The following CNTN6 variants were observed in gnomAD, a reference collection of about 807,000 sequenced individuals.
The protein encoded by CNTN6 is contactin 6.
CNTN6 carries 137 observed loss-of-function variants against 122.8 expected under a neutral mutation model. The observed-to-expected ratio is 1.12, with a 90% CI of 0.97 to 1.29. CNTN6 has a LOEUF of 1.29. Among genes scored for constraint, CNTN6 ranks in the 50% most tolerant of loss-of-function variants. The probability of loss-of-function intolerance (pLI) is 0.00; values close to 1 mark genes in which losing one functional copy is unlikely to be tolerated. For missense variants in CNTN6, 1,634 were observed against 1,223.4 expected (o/e 1.34, Z -5.01); for synonymous variants, 570 against 426.0 (o/e 1.34, Z -4.16).
At chr3:1,254,576 A>C (rs2094722573) in intron 4 of CNTN6, among the ~76,000 whole-genome samples, 1 of 152,178 alleles carries the variant, frequency 6.6e-6, no homozygotes, top group Non-Finnish European at 1.5e-5. Context: ...TGGAAGTTAC[A>C]GTGCTGATAA....
At chr3:1,211,549 C>T (rs544665345) in intron 2 of CNTN6, among the ~76,000 whole-genome samples, 2 of 152,192 alleles carry the variant, frequency 1.3e-5, no homozygotes, top group South Asian at 4.2e-4. Flanking sequence ...AACCTAGAGG[C>T]AGATCTCACT....
chr3:1,134,316 G>T (rs941637110), intron 1 of CNTN6, among the ~76,000 whole-genome samples: 8 of 152,138 alleles, frequency 5.3e-5, no homozygotes, highest in Non-Finnish European at 1.0e-4. Context: ...AACTAATGTT[G>T]CTGGTGATAG....
intron 7 of CNTN6, among the ~76,000 whole-genome samples, chr3:1,298,619 A>C (rs962999739): frequency 6.6e-6 from 1 of 152,108 alleles, no homozygotes; most frequent in African/African-American, 2.4e-5. Context: ...TGCTTTTTGG[A>C]GGTATACAAA....
chr3:1,311,064 G>A (rs552483037), intron 7 of CNTN6, among the ~76,000 whole-genome samples: 1 of 151,706 alleles, frequency 6.6e-6, no homozygotes, highest in South Asian at 2.1e-4. Flanking sequence ...AGGAGATTAG[G>A]AAGAGTTACT....
chr3:1,191,700 T>TG (rs1302835064), intron 2 of CNTN6, among the ~76,000 whole-genome samples: 1 of 152,152 alleles, frequency 6.6e-6, no homozygotes, highest in East Asian at 1.9e-4. Context: ...ACCCAATACT[T>TG]GCAACTGGCA....
intron 2 of CNTN6, among the ~76,000 whole-genome samples, chr3:1,192,396 C>T (rs925703217): frequency 5.9e-5 from 9 of 152,086 alleles, no homozygotes; most frequent in African/African-American, 1.9e-4. Flanking sequence ...ATCTTCTGGC[C>T]AGGAAGCTAT....
chr3:1,293,717 G>C (rs1406672501), intron 5 of CNTN6, among the ~76,000 whole-genome samples: 1 of 151,970 alleles, frequency 6.6e-6, no homozygotes, highest in East Asian at 1.9e-4. Context: ...GACTTTTTTT[G>C]AGTTAGTTGC....
At chr3:1,283,735 C>A (rs1280929042) in intron 5 of CNTN6, among the ~76,000 whole-genome samples, 1 of 152,192 alleles carries the variant, frequency 6.6e-6, no homozygotes, top group Non-Finnish European at 1.5e-5. Context: ...CTCAGTGGCT[C>A]ACACCTGTAA....
At chr3:1,373,889 C>G in intron 15 of CNTN6, 35 bp from the exon 16 acceptor site, 2 of 1,580,804 alleles carry the variant, frequency 1.3e-6, no homozygotes, top group Non-Finnish European at 8.6e-7. Context: ...TTGAGTAGTC[C>G]CAACCTAGGT....
chr3:1,112,477 G>A (rs972001431), intron 1 of CNTN6, among the ~76,000 whole-genome samples: 1 of 152,118 alleles, frequency 6.6e-6, no homozygotes, highest in African/African-American at 2.4e-5. Context: ...GAGTGCTTCT[G>A]TGTAACTCCA....
At chr3:1,241,240 C>T (rs1180139321) in intron 4 of CNTN6, among the ~76,000 whole-genome samples, 1 of 152,000 alleles carries the variant, frequency 6.6e-6, no homozygotes, top group Non-Finnish European at 1.5e-5. Context: ...GCCTGACATT[C>T]CTGCCTTCTT....
chr3:1,279,907 A>C (rs1693069988), intron 5 of CNTN6, among the ~76,000 whole-genome samples: 1 of 152,212 alleles, frequency 6.6e-6, no homozygotes, highest in Non-Finnish European at 1.5e-5. Flanking sequence ...TATTCACCTG[A>C]TATGATAGGG....
chr3:1,358,129 A>G (rs767487503), intron 12 of CNTN6, among the ~76,000 whole-genome samples: 1 of 151,890 alleles, frequency 6.6e-6, no homozygotes, highest in African/African-American at 2.4e-5. Context: ...GGTGTCATTC[A>G]TACAGTATAA....
intron 4 of CNTN6, 34 bp from the exon 5 acceptor site, chr3:1,278,379 C>T: frequency 7.4e-7 from 1 of 1,347,188 alleles, no homozygotes. Flanking sequence ...TGCAAAGTAA[C>T]TAATTATAAA....
intron 7 of CNTN6, among the ~76,000 whole-genome samples, chr3:1,316,563 C>A (rs1700125300): frequency 6.6e-6 from 1 of 151,832 alleles, no homozygotes; most frequent in African/African-American, 2.4e-5. Context: ...ACCTTCAATA[C>A]TGGGGATTAC....
At chr3:1,317,087 A>G (rs1700191105) in intron 7 of CNTN6, among the ~76,000 whole-genome samples, 1 of 151,996 alleles carries the variant, frequency 6.6e-6, no homozygotes, top group South Asian at 2.1e-4. Flanking sequence ...AAAAATCTCA[A>G]CATTTAATTA....
chr3:1,242,041 G>C (rs181953529), intron 4 of CNTN6, among the ~76,000 whole-genome samples: 4,374 of 152,240 alleles, frequency 0.029, 104 homozygotes, highest in Admixed American at 0.053. Context: ...AGAAGGTGCT[G>C]GGGTTTGAGA....
intron 20 of CNTN6, among the ~76,000 whole-genome samples, chr3:1,391,864 C>T (rs1475664403): frequency 1.3e-5 from 2 of 152,034 alleles, no homozygotes; most frequent in African/African-American, 4.8e-5. Flanking sequence ...TGAAGGACCT[C>T]TTCAAGGAGA....
At chr3:1,328,768 A>G (rs2125995157) in intron 10 of CNTN6, among the ~76,000 whole-genome samples, 1 of 151,840 alleles carries the variant, frequency 6.6e-6, no homozygotes, top group Admixed American at 6.6e-5. Flanking sequence ...GGCATACCCG[A>G]AAGAACTTCA....
Sources: allele counts gnomAD v4.1 joint callset (sites outside exome capture counted in the v4.1 genomes callset), GRCh38; gene constraint gnomAD v4.1.1; transcripts MANE v1.5; gene names NCBI Gene and HGNC (gene_info 2026-07-23, HGNC 2026-07-21).